NCK1: variants seen among roughly 807,000 people sequenced by gnomAD.
NCK1 encodes SH2/SH3 adapter protein NCK1.
In NCK1, 19 loss-of-function variants were observed where a neutral mutation model predicts 36.6. The observed-to-expected ratio is 0.52, with a 90% CI of 0.36 to 0.76. NCK1 has a LOEUF of 0.76. NCK1 is among the 30% of genes least tolerant of loss of function. The probability of loss-of-function intolerance (pLI) is 0.00; values close to 1 mark genes in which losing one functional copy is unlikely to be tolerated. For synonymous variants in NCK1, 165 were observed against 156.0 expected (o/e 1.06, Z -0.43); for missense variants, 358 against 445.6 (o/e 0.80, Z 1.77).
At chr3:136,872,744 A>C (rs1178984342) in intron 1 of NCK1, among the ~76,000 whole-genome samples, 1 of 152,218 alleles carries the variant, frequency 6.6e-6, no homozygotes, top group Admixed American at 6.5e-5. Context: ...GGTACCCAGC[A>C]TTCCAGCTGC....
At chr3:136,928,567 G>A in intron 2 of NCK1, 1 of 233,698 alleles carries the variant, frequency 4.3e-6, no homozygotes, top group African/African-American at 2.3e-5. Context: ...GGCAACTTAT[G>A]TACATGGCAC....
At chr3:136,944,959 A>C (rs1940772500) in intron 2 of NCK1, among the ~76,000 whole-genome samples, 1 of 152,236 alleles carries the variant, frequency 6.6e-6, no homozygotes, top group Admixed American at 6.5e-5. Flanking sequence ...ATCTGTAAAC[A>C]AACAAAACTC....
intron 1 of NCK1, among the ~76,000 whole-genome samples, chr3:136,873,405 C>G (rs973902331): frequency 3.9e-5 from 6 of 152,172 alleles, no homozygotes; most frequent in African/African-American, 1.4e-4. Context: ...TTCCTGTACC[C>G]CCATCTTATC....
chr3:136,924,086 G>C (rs1421753431), intron 1 of NCK1, among the ~76,000 whole-genome samples: 2 of 152,068 alleles, frequency 1.3e-5, no homozygotes, highest in African/African-American at 4.8e-5. Context: ...AAAACCATTG[G>C]GTAGAGGTTT....
chr3:136,904,821 ACAGGC>A (rs573691429), intron 1 of NCK1, among the ~76,000 whole-genome samples: 27 of 140,636 alleles, frequency 1.9e-4, no homozygotes, highest in South Asian at 4.7e-4. Flanking sequence ...CATATGTCAC[ACAGGC>A]TTTTCTCATT....
At chr3:136,928,946 C>G (rs924768540) in intron 2 of NCK1, among the ~76,000 whole-genome samples, 1 of 150,922 alleles carries the variant, frequency 6.6e-6, no homozygotes, top group Non-Finnish European at 1.5e-5. Context: ...TTTTGGTGTT[C>G]AGGCAAACAT....
chr3:136,946,412 C>A, intron 3 of NCK1, 117 bp downstream of exon 3: 4 of 816,970 alleles, frequency 4.9e-6, no homozygotes, highest in Non-Finnish European at 7.7e-6. Context: ...CAAGCTGGGA[C>A]GTAACATAAG....
chr3:136,935,857 C>T (rs996711251), intron 2 of NCK1, among the ~76,000 whole-genome samples: 1 of 151,948 alleles, frequency 6.6e-6, no homozygotes, highest in Non-Finnish European at 1.5e-5. Flanking sequence ...TCAATCAGTC[C>T]CTGGCAATTA....
chr3:136,934,189 T>C (rs2108137309), intron 2 of NCK1, among the ~76,000 whole-genome samples: 1 of 152,200 alleles, frequency 6.6e-6, no homozygotes, highest in East Asian at 1.9e-4. Context: ...ACAAGGATAC[T>C]GGAGGTTTTT....
chr3:136,918,420 AG>A (rs370170350), intron 1 of NCK1, among the ~76,000 whole-genome samples: 201 of 152,340 alleles, frequency 1.3e-3, no homozygotes, highest in South Asian at 8.9e-3. Context: ...TTATTATATT[AG>A]GTATTACAAG....
chr3:136,870,586 C>T (rs1188833667), intron 1 of NCK1, among the ~76,000 whole-genome samples: 1 of 149,588 alleles, frequency 6.7e-6, no homozygotes, highest in African/African-American at 2.5e-5. Context: ...TTTTTAGAAA[C>T]ATTTAGAATA....
At chr3:136,936,762 G>GC in intron 2 of NCK1, among the ~76,000 whole-genome samples, 1 of 152,216 alleles carries the variant, frequency 6.6e-6, no homozygotes, top group East Asian at 1.9e-4. Flanking sequence ...GTGCCTGTTG[G>GC]CCATTCGTAT....
chr3:136,883,048 A>G (rs1321995577), intron 1 of NCK1, among the ~76,000 whole-genome samples: 2 of 152,110 alleles, frequency 1.3e-5, no homozygotes, highest in East Asian at 3.9e-4. Flanking sequence ...CCTCCCAAGT[A>G]GCTGGGATTA....
chr3:136,926,269 T>A (rs1387304548), intron 1 of NCK1, among the ~76,000 whole-genome samples: 4 of 150,844 alleles, frequency 2.7e-5, no homozygotes, highest in Non-Finnish European at 5.9e-5. Context: ...TTAAATTTTA[T>A]TATTATTATT....
chr3:136,904,361 C>G lies in NCK1; in HGVS notation c.-18-23623C>G, dbSNP rs1045772793. The stretch of plus-strand genomic sequence containing the variant: ...AGAGATAGGGTTTCACTATGTTGGC[C>G]AGGCTGGTCTTGAACTCCTGGCCTC... On this transcript the variant is annotated intron_variant, in intron 1 of 3. Transcript: ENST00000481752. 2.6e-5 allele frequency among the ~76,000 whole-genome samples: 4 copies of G among 152,086 alleles called. No individual in the cohort carries two copies. The East Asian group carries it at 7.7e-4, about 29-fold the overall frequency.
At chr3:136,871,463 A>C (rs1938616369) in intron 1 of NCK1, among the ~76,000 whole-genome samples, 1 of 152,184 alleles carries the variant, frequency 6.6e-6, no homozygotes, top group African/African-American at 2.4e-5. Flanking sequence ...AACTGCACAA[A>C]TTTAAATGTA....
At position 136,928,073 on chromosome 3, in the gene NCK1, G is replaced by A; in HGVS notation, c.72G>A (p.Lys24=). The change falls in exon 2 of 4, where the codon AAG becomes AAA. Residue 24 remains lysine (K), a synonymous_variant. Coordinates refer to ENST00000481752, the MANE Select transcript of NCK1 (RefSeq NM_001291999.2). ...VAQQEQELDI[K]KNERLWLLDD... ...AACAAGAACAAGAGTTGGACATCAA[G>A]AAGAATGAGAGATTATGGCTTCTGG... 1 of 1,614,160 alleles carries A rather than the reference G, an allele frequency of 6.2e-7. No homozygotes were observed. The highest frequency in any genetic ancestry group is 8.5e-7 in the Non-Finnish European group (1 of 1,180,020).
chr3:136,935,483 T>A (rs1560052643), intron 2 of NCK1, among the ~76,000 whole-genome samples: 1 of 152,192 alleles, frequency 6.6e-6, no homozygotes, highest in Non-Finnish European at 1.5e-5. Context: ...TGAGCAGTGA[T>A]GTCATGTGAT....
intron 1 of NCK1, among the ~76,000 whole-genome samples, chr3:136,870,215 G>A (rs1212547992): frequency 6.6e-6 from 1 of 151,684 alleles, no homozygotes; most frequent in Non-Finnish European, 1.5e-5. Context: ...GGTGGTGCAT[G>A]CCTGTAATCC....
Sources: gnomAD v4.1 joint callset for allele counts (sites outside exome capture counted in the v4.1 genomes callset) on GRCh38, gnomAD v4.1.1 for gene constraint, MANE v1.5 for transcripts, NCBI Gene and HGNC (gene_info 2026-07-23, HGNC 2026-07-21) for gene names.